GCNT2: variants seen among roughly 807,000 people sequenced by gnomAD.
GCNT2 encodes glucosaminyl (N-acetyl) transferase 2 (I blood group), also known as N-acetyllactosaminide beta-1,6-N-acetylglucosaminyl-transferase.
GCNT2 carries 34 observed loss-of-function variants against 34.2 expected under a neutral mutation model. That is an observed-to-expected ratio of 1.00 (90% CI 0.76 to 1.32). GCNT2 has a LOEUF of 1.32. GCNT2 is among the 40% of genes most tolerant of loss of function. GCNT2 has a pLI of 0.00. For synonymous variants in GCNT2, 212 were observed against 188.0 expected (o/e 1.13, Z -1.04); for missense variants, 584 against 489.4 (o/e 1.19, Z -1.82).
At chr6:10,558,973 T>C (rs1477394081) in intron 3 of GCNT2, among the ~76,000 whole-genome samples, 2 of 152,220 alleles carry the variant, frequency 1.3e-5, no homozygotes, top group East Asian at 3.8e-4. Flanking sequence ...TTTCATTCTT[T>C]CCTTAAAATT....
chr6:10,541,314 C>A (rs1762027429), intron 3 of GCNT2, among the ~76,000 whole-genome samples: 1 of 152,186 alleles, frequency 6.6e-6, no homozygotes, highest in Admixed American at 6.5e-5. Context: ...TCTTCCAACT[C>A]TATCCATGTC....
intron 3 of GCNT2, among the ~76,000 whole-genome samples, chr6:10,614,485 C>T (rs926325290): frequency 5.9e-5 from 9 of 151,812 alleles, no homozygotes; most frequent in Admixed American, 4.6e-4. Flanking sequence ...ATTAGCTGGA[C>T]GTTAGTGGCA....
At chr6:10,588,785 ATGTG>A (rs60988454) in intron 3 of GCNT2, among the ~76,000 whole-genome samples, 17,121 of 134,938 alleles carry the variant, frequency 0.13, 1,051 homozygotes, top group Middle Eastern at 0.19. Context: ...TGTGTGTGTG[ATGTG>A]TGTGTGTGTG....
At chr6:10,562,032 C>T (rs1486830417) in intron 3 of GCNT2, among the ~76,000 whole-genome samples, 1 of 152,146 alleles carries the variant, frequency 6.6e-6, no homozygotes, top group Non-Finnish European at 1.5e-5. Context: ...CTCAAAGGAG[C>T]TTAAACAAGC....
chr6:10,621,633 C>G lies in GCNT2; in HGVS notation c.1018+190C>G, dbSNP rs1339067255. 3.3e-5 allele frequency: 20 copies of G among 615,054 alleles called. No homozygotes were observed. In the African/African-American group the frequency reaches 3.3e-4, roughly 10 times the overall value. 38.1% of individuals were successfully genotyped at this position (615,054 alleles called of 1,614,324 possible). ...AGTTTAAACATCTCATTGATGTTCT[C>G]TAACTTATAATTACCTAGGGAGATG... On this transcript the variant is annotated intron_variant, in intron 4 of 4. Transcript: ENST00000495262.
intron 3 of GCNT2, among the ~76,000 whole-genome samples, chr6:10,536,265 G>A (rs1197958244): frequency 6.6e-6 from 1 of 152,180 alleles, no homozygotes; most frequent in Non-Finnish European, 1.5e-5. Context: ...GGACAGACTT[G>A]AAGGGGAGGA....
At chr6:10,543,447 TC>T (rs1465111181) in intron 3 of GCNT2, among the ~76,000 whole-genome samples, 2 of 152,178 alleles carry the variant, frequency 1.3e-5, no homozygotes, top group African/African-American at 4.8e-5. Flanking sequence ...TGCCTCGGCC[TC>T]CCAAAGTTCT....
At chr6:10,556,614 T>A (rs1178025976) in intron 3 of GCNT2, 1 of 1,614,166 alleles carries the variant, frequency 6.2e-7, no homozygotes, top group South Asian at 1.1e-5. Flanking sequence ...AAAAACAAAC[T>A]AATGATCCAT....
At chr6:10,567,193 C>T (rs951706586) in intron 3 of GCNT2, among the ~76,000 whole-genome samples, 3 of 152,266 alleles carry the variant, frequency 2.0e-5, no homozygotes, top group African/African-American at 7.2e-5. Context: ...AGTCTGGTGA[C>T]ACACACCTGT....
chr6:10,597,346 G>A (rs549839040), intron 3 of GCNT2, among the ~76,000 whole-genome samples: 10 of 151,670 alleles, frequency 6.6e-5, no homozygotes, highest in Non-Finnish European at 5.9e-5. Context: ...TAGTAGAGAC[G>A]GTTTTGCCAT....
chr6:10,544,258 G>A (rs1762167982), intron 3 of GCNT2, among the ~76,000 whole-genome samples: 1 of 151,690 alleles, frequency 6.6e-6, no homozygotes, highest in Middle Eastern at 3.2e-3. Flanking sequence ...AGGTTGCAGT[G>A]AGCCGAGATC....
At chr6:10,612,153 A>C (rs1765587659) in intron 3 of GCNT2, among the ~76,000 whole-genome samples, 1 of 151,442 alleles carries the variant, frequency 6.6e-6, no homozygotes, top group Admixed American at 6.6e-5. Context: ...CGCCCGGCTA[A>C]TTTTTGTATT....
chr6:10,612,868 C>T (rs749667283), intron 3 of GCNT2, among the ~76,000 whole-genome samples: 2 of 152,126 alleles, frequency 1.3e-5, no homozygotes, highest in Non-Finnish European at 1.5e-5. Context: ...AAGTCCCTTC[C>T]GTAGCTTATT....
intron 3 of GCNT2, chr6:10,574,798 C>A (rs991073233): frequency 6.5e-6 from 4 of 613,124 alleles, no homozygotes; most frequent in Non-Finnish European, 1.2e-5. Flanking sequence ...CTCCTTCCCA[C>A]TGGCTCTCAT....
At chr6:10,542,976 C>T (rs775724457) in intron 3 of GCNT2, among the ~76,000 whole-genome samples, 16 of 144,830 alleles carry the variant, frequency 1.1e-4, no homozygotes, top group Non-Finnish European at 2.1e-4. Context: ...GCCATGATCT[C>T]GGCTCACTGC....
At chr6:10,576,530 AC>A (rs1763820711) in intron 3 of GCNT2, among the ~76,000 whole-genome samples, 2 of 152,200 alleles carry the variant, frequency 1.3e-5, no homozygotes, top group Admixed American at 6.5e-5. Flanking sequence ...AATTAAAAAA[AC>A]AAAAATCTAT....
At chr6:10,621,278 G>A (rs1033163621) in intron 3 of GCNT2, 73 bp from the exon 4 acceptor site, 1 of 945,588 alleles carries the variant, frequency 1.1e-6, no homozygotes, top group Non-Finnish European at 1.7e-6. Flanking sequence ...CTGACTTAGA[G>A]GCTTAATTGA....
At chr6:10,580,453 G>A (rs1764022492) in intron 3 of GCNT2, among the ~76,000 whole-genome samples, 1 of 152,176 alleles carries the variant, frequency 6.6e-6, no homozygotes, top group South Asian at 2.1e-4. Flanking sequence ...AATGTGTGAT[G>A]ATTATTTTGG....
At chr6:10,553,550 ACT>A (rs1762566484) in intron 3 of GCNT2, among the ~76,000 whole-genome samples, 1 of 152,094 alleles carries the variant, frequency 6.6e-6, no homozygotes, top group Non-Finnish European at 1.5e-5. Flanking sequence ...AAGAAAGGAT[ACT>A]CTCTTTCCTT....
Sources: allele counts gnomAD v4.1 joint callset (sites outside exome capture counted in the v4.1 genomes callset), GRCh38; gene constraint gnomAD v4.1.1; transcripts MANE v1.5; gene names NCBI Gene and HGNC (gene_info 2026-07-23, HGNC 2026-07-21).